The following COL19A1 variants were observed in gnomAD, a reference collection of about 807,000 sequenced individuals.
COL19A1 encodes collagen type XIX alpha 1 chain, also known as collagen alpha-1(XIX) chain.
COL19A1 carries 159 observed loss-of-function variants against 190.2 expected under a neutral mutation model. That is an observed-to-expected ratio of 0.84 (90% CI 0.73 to 0.95). The LOEUF is 0.95. Among genes scored for constraint, COL19A1 ranks in the 40% least tolerant of loss-of-function variants. The probability of loss-of-function intolerance (pLI) is 0.00; values close to 1 mark genes in which losing one functional copy is unlikely to be tolerated. For synonymous variants in COL19A1, 509 were observed against 458.9 expected (o/e 1.11, Z -1.39); for missense variants, 1,418 against 1,431.9 (o/e 0.99, Z 0.16).
intron 9 of COL19A1, among the ~76,000 whole-genome samples, chr6:69,955,759 A>G (rs1334918476): frequency 6.6e-6 from 1 of 152,028 alleles, no homozygotes; most frequent in Non-Finnish European, 1.5e-5. Flanking sequence ...GGTTTACTGA[A>G]TAGAAGGCTT....
At chr6:70,158,551 A>T (rs543529391) in intron 34 of COL19A1, among the ~76,000 whole-genome samples, 2 of 152,072 alleles carry the variant, frequency 1.3e-5, no homozygotes, top group South Asian at 4.1e-4. Context: ...CACATTTTTC[A>T]CAGACGTTGT....
intron 16 of COL19A1, among the ~76,000 whole-genome samples, chr6:70,113,386 A>G (rs1784387476): frequency 6.6e-6 from 1 of 152,168 alleles, no homozygotes; most frequent in South Asian, 2.1e-4. Flanking sequence ...CAATGGCACT[A>G]TTGTAGTCTT....
chr6:70,167,244 ACTT>A (rs1765216627), intron 37 of COL19A1, among the ~76,000 whole-genome samples: 1 of 152,234 alleles, frequency 6.6e-6, no homozygotes, highest in Non-Finnish European at 1.5e-5. Flanking sequence ...TGAAACAGTG[ACTT>A]CTTCAACTCT....
At chr6:70,197,901 A>T (rs1392291538) in intron 48 of COL19A1, among the ~76,000 whole-genome samples, 1 of 152,212 alleles carries the variant, frequency 6.6e-6, no homozygotes, top group Non-Finnish European at 1.5e-5. Flanking sequence ...CTCTATAGCT[A>T]TTGGGGCTTT....
chr6:70,028,209 G>T (rs568701272), intron 12 of COL19A1, among the ~76,000 whole-genome samples: 15 of 152,234 alleles, frequency 9.9e-5, no homozygotes, highest in African/African-American at 3.1e-4. Context: ...TCAAAGAAAG[G>T]CCAGATGGTT....
intron 33 of COL19A1, 48 bp downstream of exon 33, chr6:70,156,417 T>G: frequency 1.9e-6 from 3 of 1,578,336 alleles, no homozygotes; most frequent in Non-Finnish European, 2.6e-6. Flanking sequence ...CTCAATTTAG[T>G]ATGAAAAAAA....
chr6:70,024,468 ACTATATCT>A (rs1422632639), intron 12 of COL19A1, among the ~76,000 whole-genome samples: 1 of 152,086 alleles, frequency 6.6e-6, no homozygotes, highest in Non-Finnish European at 1.5e-5. Context: ...AAACTGTGAG[ACTATATCT>A]AGCTCCCTAA....
At chr6:69,922,482 T>TTG (rs1772046460) in intron 4 of COL19A1, among the ~76,000 whole-genome samples, 1 of 144,498 alleles carries the variant, frequency 6.9e-6, no homozygotes, top group African/African-American at 2.6e-5. Context: ...TTTAGGTTTT[T>TTG]TTTTTTTTTT....
intron 15 of COL19A1, among the ~76,000 whole-genome samples, chr6:70,083,394 T>A (rs1047286368): frequency 6.6e-6 from 1 of 151,866 alleles, no homozygotes; most frequent in African/African-American, 2.4e-5. Context: ...TTTTTGTTTG[T>A]TGAATTCAGT....
At chr6:69,969,457 C>T (rs563338333) in intron 11 of COL19A1, among the ~76,000 whole-genome samples, 2 of 152,122 alleles carry the variant, frequency 1.3e-5, no homozygotes, top group African/African-American at 2.4e-5. Context: ...ATACAATTCG[C>T]CTGTGTTATC....
chr6:69,950,976 G>A (rs1774092511), intron 9 of COL19A1, among the ~76,000 whole-genome samples: 1 of 151,712 alleles, frequency 6.6e-6, no homozygotes, highest in South Asian at 2.1e-4. Flanking sequence ...TCCTAATAAT[G>A]TGATAGTAAA....
chr6:70,187,155 C>T (rs1766576318), intron 46 of COL19A1, among the ~76,000 whole-genome samples: 1 of 152,168 alleles, frequency 6.6e-6, no homozygotes, highest in African/African-American at 2.4e-5. Flanking sequence ...GCTGTGATTA[C>T]AGGCGTGAGC....
At chr6:69,908,560 A>G (rs1431589585) in intron 4 of COL19A1, among the ~76,000 whole-genome samples, 1 of 152,162 alleles carries the variant, frequency 6.6e-6, no homozygotes, top group African/African-American at 2.4e-5. Context: ...AAAAGCACCT[A>G]TTTTATTTTT....
chr6:70,079,867 G>C (rs1782131993), intron 15 of COL19A1, among the ~76,000 whole-genome samples: 1 of 152,086 alleles, frequency 6.6e-6, no homozygotes, highest in South Asian at 2.1e-4. Context: ...TTTCTCATAA[G>C]TGTATATATA....
intron 15 of COL19A1, chr6:70,098,686 G>C (rs1053300978): frequency 2.2e-5 from 6 of 267,312 alleles, no homozygotes; most frequent in African/African-American, 1.4e-4. Flanking sequence ...TCAGTATCTT[G>C]CTTCTGTGGC....
At chr6:70,001,268 G>A (rs1359861873) in intron 11 of COL19A1, among the ~76,000 whole-genome samples, 1 of 152,118 alleles carries the variant, frequency 6.6e-6, no homozygotes, top group African/African-American at 2.4e-5. Flanking sequence ...TTTGGTTACT[G>A]TAGCTTTGTA....
At chr6:70,154,069 T>C (rs886988349) in intron 31 of COL19A1, among the ~76,000 whole-genome samples, 2 of 151,956 alleles carry the variant, frequency 1.3e-5, no homozygotes, top group African/African-American at 4.8e-5. Flanking sequence ...CAACCCGTCA[T>C]CTACATTAGG....
At chr6:69,893,919 C>A (rs1292122273) in intron 2 of COL19A1, among the ~76,000 whole-genome samples, 1 of 152,180 alleles carries the variant, frequency 6.6e-6, no homozygotes. Flanking sequence ...AATTGTCAAC[C>A]AGAAAATGTT....
At chr6:70,098,641 C>A in intron 15 of COL19A1, 1 of 341,536 alleles carries the variant, frequency 2.9e-6, no homozygotes, top group South Asian at 2.7e-5. Flanking sequence ...ATGTGTGCGT[C>A]TTACTGCAAC....
Sources: gnomAD v4.1 joint callset for allele counts (sites outside exome capture counted in the v4.1 genomes callset) on GRCh38, gnomAD v4.1.1 for gene constraint, MANE v1.5 for transcripts, NCBI Gene and HGNC (gene_info 2026-07-23, HGNC 2026-07-21) for gene names.